The following ADAM23 variants were observed in gnomAD, a reference collection of about 807,000 sequenced individuals.
ADAM23 encodes the protein disintegrin and metalloproteinase domain-containing protein 23.
A neutral mutation model predicts 120.1 loss-of-function variants in ADAM23; 33 were observed. That is an observed-to-expected ratio of 0.27 (90% confidence interval 0.21 to 0.37). The LOEUF (loss-of-function observed/expected upper bound fraction) is 0.37. ADAM23 is among the 10% of genes least tolerant of loss of function. The probability of loss-of-function intolerance (pLI) is 1.00; values close to 1 mark genes in which losing one functional copy is unlikely to be tolerated. For missense variants in ADAM23, 862 were observed against 1,058.2 expected (o/e 0.81, Z 2.57); for synonymous variants, 367 against 375.2 (o/e 0.98, Z 0.25).
intron 3 of ADAM23, among the ~76,000 whole-genome samples, chr2:206,489,119 C>T (rs748218204): frequency 2.6e-5 from 4 of 152,112 alleles, no homozygotes; most frequent in African/African-American, 4.8e-5. Flanking sequence ...CTCTTGTGGT[C>T]GAGTAAGACC....
At chr2:206,587,785 C>T (rs1698353123) in intron 19 of ADAM23, among the ~76,000 whole-genome samples, 1 of 152,112 alleles carries the variant, frequency 6.6e-6, no homozygotes, top group Non-Finnish European at 1.5e-5. Context: ...ACCATCCATA[C>T]ACAAAAGAAG....
chr2:206,601,260 G>A (rs1363249142), intron 24 of ADAM23, among the ~76,000 whole-genome samples: 1 of 152,162 alleles, frequency 6.6e-6, no homozygotes, highest in Non-Finnish European at 1.5e-5. Flanking sequence ...ATATTCCTGG[G>A]AAGCTTTGGT....
intron 2 of ADAM23, among the ~76,000 whole-genome samples, chr2:206,452,352 T>C (rs944178172): frequency 6.6e-5 from 10 of 152,232 alleles, no homozygotes; most frequent in Admixed American, 6.5e-4. Context: ...GCTGTGCTGT[T>C]GAAAGTCTTG....
At chr2:206,547,269 T>A (rs936145312) in intron 6 of ADAM23, among the ~76,000 whole-genome samples, 160 bp from the exon 7 acceptor site, 14 of 152,180 alleles carry the variant, frequency 9.2e-5, no homozygotes, top group African/African-American at 3.1e-4. Flanking sequence ...TTATTTAAAA[T>A]TAAGATTTCA....
At chr2:206,544,193 C>A (rs563985268) in intron 6 of ADAM23, among the ~76,000 whole-genome samples, 22 of 152,232 alleles carry the variant, frequency 1.4e-4, no homozygotes, top group African/African-American at 5.3e-4. Flanking sequence ...ATGTACTTAA[C>A]TTTTATGAAC....
At chr2:206,578,074 A>T (rs1345451761) in intron 18 of ADAM23, among the ~76,000 whole-genome samples, 5 of 152,234 alleles carry the variant, frequency 3.3e-5, no homozygotes, top group African/African-American at 4.8e-5. Flanking sequence ...TAACTGAAAC[A>T]TCACAAAAGT....
intron 24 of ADAM23, among the ~76,000 whole-genome samples, chr2:206,608,963 C>A (rs1193721969): frequency 6.6e-6 from 1 of 152,152 alleles, no homozygotes; most frequent in African/African-American, 2.4e-5. Flanking sequence ...GACACTGTAC[C>A]TGCATGTTAG....
rs532418081 is a variant in ADAM23, at chr2:206,555,518, C to A, written c.934-1909C>A. ...TCTCTGTTTCCATTCTTGGCACTCT[C>A]TAATTTACATAACAATGACAGGCAA... On this transcript the variant is annotated intron_variant, in intron 9 of 25. Transcript: ENST00000264377. 2.6e-5 allele frequency among the ~76,000 whole-genome samples: 4 copies of A among 152,136 alleles called. No individual in the cohort carries two copies. In the South Asian group the frequency reaches 8.3e-4, roughly 31 times the overall value.
At chr2:206,485,254 A>G (rs1339953838) in intron 3 of ADAM23, among the ~76,000 whole-genome samples, 1 of 152,170 alleles carries the variant, frequency 6.6e-6, no homozygotes, top group African/African-American at 2.4e-5. Flanking sequence ...TTAACCAAAA[A>G]GTTTGATATG....
chr2:206,609,939 T>G lies in ADAM23; in HGVS notation c.2389T>G (p.Ser797Ala). The G allele has an allele frequency of 1.2e-6, 2 of 1,601,164 alleles. No homozygotes were observed. The highest frequency in any genetic ancestry group is 1.7e-6 in the Non-Finnish European group (2 of 1,175,812). The change falls in exon 25 of 26, where the codon TCC becomes GCC. Residue 797 changes from serine to alanine, a missense_variant. By Grantham distance (99) the Ser-to-Ala change is moderately conservative. Around this residue, in one of 4 missense-constraint regions of ADAM23, gnomAD observed 617 missense variants for 813.5 expected, o/e 0.76. Transcript: ENST00000264377. ...TAGTGCCACCAATCTCATAATAGGC[T>G]CCATCGCTGGTGCCATCCTGGTAGC... ...GPSATNLIIGSIAGAILVAAI... is the reference protein window; with the variant it reads ...GPSATNLIIGAIAGAILVAAI...
intron 2 of ADAM23, among the ~76,000 whole-genome samples, chr2:206,464,583 AT>A (rs3831882): frequency 1.5e-4 from 22 of 151,108 alleles, no homozygotes; most frequent in Middle Eastern, 3.4e-3. Flanking sequence ...AAAAAAAAAA[AT>A]AATAATAATA....
intron 3 of ADAM23, among the ~76,000 whole-genome samples, chr2:206,518,319 A>T (rs989291862): frequency 1.3e-5 from 2 of 152,214 alleles, no homozygotes; most frequent in African/African-American, 4.8e-5. Flanking sequence ...TTTTAGTATT[A>T]TGCAAAATGT....
At chr2:206,478,546 G>T (rs532401207) in intron 2 of ADAM23, among the ~76,000 whole-genome samples, 2 of 152,018 alleles carry the variant, frequency 1.3e-5, no homozygotes, top group African/African-American at 4.8e-5. Flanking sequence ...TGATGATGGC[G>T]TGTGCCAGAA....
chr2:206,616,853 T>G (rs980743402), intron 25 of ADAM23, among the ~76,000 whole-genome samples: 1 of 152,206 alleles, frequency 6.6e-6, no homozygotes, highest in Non-Finnish European at 1.5e-5. Flanking sequence ...TTGCTGGTTC[T>G]TTCTTTTCTC....
chr2:206,451,328 CTCTCGGGTTCAAGCAGT>C (rs1479330295), intron 2 of ADAM23, among the ~76,000 whole-genome samples: 1 of 152,214 alleles, frequency 6.6e-6, no homozygotes, highest in Non-Finnish European at 1.5e-5. Context: ...CAGTCTCTGC[CTCTCGGGTTCAAGCAGT>C]TCTCCCACTT....
intron 25 of ADAM23, among the ~76,000 whole-genome samples, chr2:206,610,823 A>G (rs1320934645): frequency 1.3e-5 from 2 of 152,228 alleles, no homozygotes; most frequent in East Asian, 3.9e-4. Flanking sequence ...TTTTCATGCT[A>G]TAGTGAGTTG....
intron 2 of ADAM23, among the ~76,000 whole-genome samples, chr2:206,459,083 A>G (rs1291034792): frequency 1.3e-5 from 2 of 152,266 alleles, no homozygotes; most frequent in Non-Finnish European, 2.9e-5. Context: ...AATTATGGCT[A>G]AAATTATGAG....
chr2:206,591,922 G>A (rs1196018390), intron 21 of ADAM23, among the ~76,000 whole-genome samples: 4 of 152,202 alleles, frequency 2.6e-5, no homozygotes, highest in South Asian at 2.1e-4. Context: ...GCACATTTTT[G>A]TACATTTGTT....
chr2:206,550,104 G>T lies in ADAM23; in HGVS notation c.877G>T (p.Gly293Cys). The change falls in exon 9 of 26, where the codon GGT becomes TGT. Residue 293 changes from glycine (G) to cysteine (C), a missense_variant. By Grantham distance (159) the Gly-to-Cys change is radical (BLOSUM62 -3). This residue lies in a region of ADAM23 where 617 missense variants were observed against 813.5 expected (regional missense o/e 0.76). Transcript: ENST00000264377. ...RRKRAVNPSR[G>C]IFEEMKYLEL... The stretch of plus-strand genomic sequence containing the variant: ...TTTTTATTTTCCGTAGCCATCACGT[G>T]GTATATTTGAAGAAATGAAATATTT... 6.4e-7 allele frequency: 1 copy of T among 1,571,568 alleles called. No homozygotes were observed. The highest frequency in any genetic ancestry group is 8.7e-7 in the Non-Finnish European group (1 of 1,146,268).
Sources: gnomAD v4.1 joint callset for allele counts (sites outside exome capture counted in the v4.1 genomes callset) on GRCh38, gnomAD v4.1.1 for gene constraint, gnomAD v4.1.1 regional missense constraint, MANE v1.5 for transcripts, NCBI Gene and HGNC (gene_info 2026-07-23, HGNC 2026-07-21) for gene names.